CTNND2: variants seen among roughly 807,000 people sequenced by gnomAD.
The protein encoded by CTNND2 is catenin delta 2.
In CTNND2, 22 loss-of-function variants were observed where a neutral mutation model predicts 144.4. The observed-to-expected ratio is 0.15, with a 90% CI of 0.11 to 0.22. The LOEUF (loss-of-function observed/expected upper bound fraction) is 0.22. Among genes scored for constraint, CTNND2 ranks in the 10% least tolerant of loss-of-function variants. The probability of loss-of-function intolerance (pLI) is 1.00; values close to 1 mark genes in which losing one functional copy is unlikely to be tolerated. For synonymous variants in CTNND2, 751 were observed against 695.6 expected, an observed-to-expected ratio of 1.08 and a Z score of -1.25; for missense variants, 1,353 against 1,618.8, an observed-to-expected ratio of 0.84 and a Z score of 2.82.
chr5:11,662,188 T>TATATATGTGTATATATGTGTATATATAC (rs1561669025), intron 2 of CTNND2, among the ~76,000 whole-genome samples: 4 of 131,498 alleles, frequency 3.0e-5, no homozygotes, highest in Non-Finnish European at 6.7e-5. Context: ...CATATATGTG[T>TATATATGTGTATATATGTGTATATATAC]ATATATGTGT....
At chr5:11,358,126 A>G (rs762475025) in intron 8 of CTNND2, among the ~76,000 whole-genome samples, 1 of 152,164 alleles carries the variant, frequency 6.6e-6, no homozygotes, top group Non-Finnish European at 1.5e-5. Flanking sequence ...TCTTCCAGTA[A>G]TTGGGGTGCA....
intron 2 of CTNND2, among the ~76,000 whole-genome samples, chr5:11,668,881 G>T (rs1783717978): frequency 6.6e-6 from 1 of 152,142 alleles, no homozygotes; most frequent in African/African-American, 2.4e-5. Context: ...TGACCATTCA[G>T]TATGATAGTG....
At chr5:11,017,850 TG>T (rs1488393052) in intron 18 of CTNND2, 123 bp downstream of exon 18, 1 of 728,190 alleles carries the variant, frequency 1.4e-6, no homozygotes, top group Admixed American at 2.3e-5. Flanking sequence ...GCTTCTTCAC[TG>T]ATTCTCGTTT....
intron 3 of CTNND2, among the ~76,000 whole-genome samples, chr5:11,458,024 T>C (rs922625904): frequency 1.3e-5 from 2 of 152,212 alleles, no homozygotes; most frequent in African/African-American, 4.8e-5. Flanking sequence ...TTTCATGACA[T>C]GATAACAGTA....
intron 2 of CTNND2, among the ~76,000 whole-genome samples, chr5:11,592,283 CCTTT>C (rs1779296352): frequency 1.3e-5 from 2 of 151,594 alleles, no homozygotes; most frequent in Middle Eastern, 3.2e-3. Context: ...TTCCTTCCTT[CCTTT>C]CTGCCTTCCT....
chr5:11,294,368 G>A (rs946590522), intron 9 of CTNND2, among the ~76,000 whole-genome samples: 19 of 152,130 alleles, frequency 1.2e-4, no homozygotes, highest in African/African-American at 4.3e-4. Flanking sequence ...GTGCTGAGTT[G>A]TGAAATGAAC....
chr5:11,581,147 A>ATT (rs200548752), intron 2 of CTNND2, among the ~76,000 whole-genome samples: 1 of 150,986 alleles, frequency 6.6e-6, no homozygotes, highest in Admixed American at 6.6e-5. Flanking sequence ...TCAACTATAA[A>ATT]TTTTTTTTTT....
intron 8 of CTNND2, among the ~76,000 whole-genome samples, chr5:11,351,251 G>A (rs1291368392): frequency 1.3e-5 from 2 of 152,132 alleles, no homozygotes; most frequent in African/African-American, 4.8e-5. Flanking sequence ...AACCCACTCA[G>A]GGCAAACACT....
chr5:11,037,607 C>G (rs958526825), intron 16 of CTNND2, among the ~76,000 whole-genome samples: 3 of 152,160 alleles, frequency 2.0e-5, no homozygotes, highest in Non-Finnish European at 4.4e-5. Context: ...ATTACCTCAA[C>G]AAAATGATAC....
intron 16 of CTNND2, among the ~76,000 whole-genome samples, chr5:11,072,847 C>G (rs1748483521): frequency 6.6e-6 from 1 of 152,228 alleles, no homozygotes; most frequent in Non-Finnish European, 1.5e-5. Context: ...CTGGTGTATG[C>G]CCGGGGGCTT....
At chr5:11,422,735 G>A (rs16901620) in intron 3 of CTNND2, among the ~76,000 whole-genome samples, 11,824 of 152,208 alleles carry the variant, frequency 0.078, 996 homozygotes, top group African/African-American at 0.21. Context: ...CACCCTAAAT[G>A]TTCTGTCTAC....
chr5:11,166,766 G>T (rs936990494), intron 11 of CTNND2, among the ~76,000 whole-genome samples: 1 of 152,030 alleles, frequency 6.6e-6, no homozygotes, highest in Non-Finnish European at 1.5e-5. Flanking sequence ...CTATACAAAC[G>T]AGTATTTGGA....
chr5:11,198,848 C>G (rs1737133881), intron 11 of CTNND2, among the ~76,000 whole-genome samples: 1 of 152,130 alleles, frequency 6.6e-6, no homozygotes, highest in South Asian at 2.1e-4. Context: ...ATATATGTGC[C>G]AAATGTTTTA....
chr5:11,630,342 T>C (rs6875817), intron 2 of CTNND2, among the ~76,000 whole-genome samples: 60,810 of 152,084 alleles, frequency 0.4, 12,671 homozygotes, highest in Middle Eastern at 0.66. Flanking sequence ...CTGGGCAACA[T>C]GCAGACTGAA....
At chr5:11,131,081 T>C (rs1191661787) in intron 12 of CTNND2, among the ~76,000 whole-genome samples, 1 of 152,108 alleles carries the variant, frequency 6.6e-6, no homozygotes, top group East Asian at 1.9e-4. Flanking sequence ...AAAACACAAA[T>C]TAGATTAAAA....
intron 2 of CTNND2, among the ~76,000 whole-genome samples, chr5:11,636,771 G>A (rs773569774): frequency 4.6e-5 from 7 of 152,150 alleles, no homozygotes; most frequent in East Asian, 1.9e-4. Flanking sequence ...TTATCAATAC[G>A]CACAGAGAGC....
chr5:11,420,262 G>T (rs1762260761), intron 3 of CTNND2, among the ~76,000 whole-genome samples: 3 of 152,132 alleles, frequency 2.0e-5, no homozygotes, highest in Admixed American at 2.0e-4. Context: ...GGTGGAGGTT[G>T]CAGTGAACCG....
At chr5:11,481,314 A>G (rs1307431295) in intron 3 of CTNND2, among the ~76,000 whole-genome samples, 1 of 152,192 alleles carries the variant, frequency 6.6e-6, no homozygotes, top group Non-Finnish European at 1.5e-5. Flanking sequence ...TGGTTCCCCC[A>G]TAAGTCTTGC....
intron 1 of CTNND2, among the ~76,000 whole-genome samples, chr5:11,775,102 T>C (rs543133185): frequency 9.2e-5 from 14 of 152,242 alleles, no homozygotes; most frequent in African/African-American, 3.1e-4. Context: ...AACCACCTCT[T>C]TCAAAAGGCT....
Sources: allele counts gnomAD v4.1 joint callset (sites outside exome capture counted in the v4.1 genomes callset), GRCh38; gene constraint gnomAD v4.1.1; transcripts MANE v1.5; gene names NCBI Gene and HGNC (gene_info 2026-07-23, HGNC 2026-07-21).